The following RAPGEF3 variants were observed in gnomAD, a reference collection of about 807,000 sequenced individuals.
The protein encoded by RAPGEF3 is 9330170P05Rik.
In RAPGEF3, 103 loss-of-function variants were observed where a neutral mutation model predicts 129.8. That is an observed-to-expected ratio of 0.79 (90% CI 0.68 to 0.93). The LOEUF (loss-of-function observed/expected upper bound fraction) is 0.93. Among genes scored for constraint, RAPGEF3 ranks in the 40% least tolerant of loss-of-function variants. RAPGEF3 has a pLI of 0.00. For synonymous variants in RAPGEF3, 436 were observed against 482.6 expected (o/e 0.90, Z 1.26); for missense variants, 1,117 against 1,207.4 (o/e 0.93, Z 1.11).
chr12:47,740,324 C>G lies in RAPGEF3; in HGVS notation c.2303G>C (p.Arg768Pro). 1 of 1,614,068 alleles carries G rather than the reference C, an allele frequency of 6.2e-7. No individual in the cohort carries two copies. Among genetic ancestry groups the G allele is most frequent in the Non-Finnish European group, 8.5e-7 (1 of 1,179,990 alleles). The change falls in exon 22 of 28, where the codon CGC becomes CCC. Residue 768 changes from arginine (R) to proline (P), a missense_variant. By Grantham distance (103) the Arg-to-Pro change is moderately radical (BLOSUM62 -2). This residue lies in a region of RAPGEF3 where 643 missense variants were observed against 673.4 expected (regional missense o/e 0.95). Transcript: ENST00000449771. ...MFGLSNSAIS[R>P]LAHTWERLPH... ...ACTTACCTCCCAGGTGTGGGCTAGG[C>G]GGCTGATGGCCGAGTTGCTGAGGCC... is the stretch of plus-strand genomic sequence containing the variant.
Position 47,747,563 on chromosome 12 carries a change from C to T in RAPGEF3, c.1537G>A (p.Glu513Lys), listed in dbSNP as rs1246372127. The T allele has an allele frequency of 6.2e-7, 1 of 1,614,032 alleles. No homozygotes were observed. The highest frequency in any genetic ancestry group is 1.7e-4 in the Middle Eastern group (1 of 6,060). ...LSNLLREQWPERRRCHRLENG... is the reference protein window; with the variant it reads ...LSNLLREQWPKRRRCHRLENG... ...CATCACCTGTGGCATCGCCGCCTCT[C>T]TGGCCACTGCTCCCTCAGCAGGTTG... is the stretch of plus-strand genomic sequence containing the variant. Residue 513 changes from glutamate to lysine, a missense_variant, in exon 15 of 28, where the codon GAG becomes AAG. By Grantham distance (56) the Glu-to-Lys change is moderately conservative. Transcript: ENST00000449771.
chr12:47,744,296 C>A, intron 16 of RAPGEF3: 1 of 566,812 alleles, frequency 1.8e-6, no homozygotes, highest in South Asian at 2.0e-5. Flanking sequence ...CATGCCCCTC[C>A]GTGTGTGTGT....
intron 17 of RAPGEF3, 141 bp from the exon 18 acceptor site, chr12:47,743,817 G>T: frequency 7.3e-7 from 1 of 1,376,234 alleles, no homozygotes; most frequent in Non-Finnish European, 1.0e-6. Flanking sequence ...CAAAAAAGAG[G>T]CAGGTAGGAG....
intron 23 of RAPGEF3, chr12:47,739,433 A>G: frequency 4.3e-6 from 3 of 701,232 alleles, no homozygotes; most frequent in Non-Finnish European, 7.8e-6. Flanking sequence ...GAAAATTCAC[A>G]GCAGTTAGTC....
chr12:47,741,641 A>C, intron 18 of RAPGEF3, 39 bp from the exon 19 acceptor site: 8 of 823,090 alleles, frequency 9.7e-6, no homozygotes, highest in Non-Finnish European at 1.6e-5. Flanking sequence ...GGGGGAAGGG[A>C]GGGAGGCCGG....
chr12:47,749,897 T>G lies in RAPGEF3; in HGVS notation c.817+33A>C. The G allele has an allele frequency of 6.2e-7, 1 of 1,613,738 alleles. No homozygotes were observed. The highest frequency in any genetic ancestry group is 8.5e-7 in the Non-Finnish European group (1 of 1,179,560). ...CATCCTTCTGCCCATGTCCAGGCCC[T>G]GTGCCTGGCTTCTTATGCCCTGCTG... On this transcript the variant is annotated intron_variant, in intron 8 of 27. Coordinates refer to ENST00000449771, the MANE Select transcript of RAPGEF3 (RefSeq NM_001098531.4). The surrounding 1 kb of genome is among the most constrained non-coding windows in gnomAD (Gnocchi z 4.5).
intron 7 of RAPGEF3, 47 bp from the exon 8 acceptor site, chr12:47,750,037 G>A (rs2136790557): frequency 6.2e-7 from 1 of 1,608,476 alleles, no homozygotes; most frequent in East Asian, 2.2e-5. Context: ...TTCATGTGCA[G>A]AGCAGCCAGG....
At position 47,740,854 on chromosome 12, in the gene RAPGEF3, GTGCTGAGCCGAGCCGGGC is replaced by G. The variant is rs1388088488; in HGVS notation, c.2049+43_2050-32del. The stretch of plus-strand genomic sequence containing the variant: ...TGGGGTCAGCAGGAGAGGTCAGCGA[GTGCTGAGCCGAGCCGGGC>G]GCCCCGCCGCCTGCTCTCCTCCCCC... On this transcript the variant is annotated intron_variant, in intron 20 of 27. Coordinates refer to ENST00000449771, the MANE Select transcript of RAPGEF3 (RefSeq NM_001098531.4). 4 of 1,613,530 alleles carry G rather than the reference GTGCTGAGCCGAGCCGGGC, an allele frequency of 2.5e-6. No individual in the cohort carries two copies. In the South Asian group the frequency reaches 4.4e-5, roughly 18 times the overall value.
Position 47,746,855 on chromosome 12 carries a change from G to C in RAPGEF3, c.1596+5C>G. Reference sequence around the variant, plus strand: ...AGAGGAAAGAAACTGGGGCCAGGCAGACACCTTCATCTGAGGAGATGCATT... The same window carrying C: ...AGAGGAAAGAAACTGGGGCCAGGCACACACCTTCATCTGAGGAGATGCATT... On this transcript the variant is annotated splice_donor_5th_base_variant and intron_variant, in intron 16 of 27. Coordinates refer to ENST00000449771, the MANE Select transcript of RAPGEF3 (RefSeq NM_001098531.4). 1 of 1,592,338 alleles carries C rather than the reference G, an allele frequency of 6.3e-7. No homozygotes were observed. Among genetic ancestry groups the C allele is most frequent in the African/African-American group, 1.4e-5 (1 of 73,606 alleles).
chr12:47,738,809 C>T (rs956396710), intron 24 of RAPGEF3, 55 bp from the exon 25 acceptor site: 27 of 1,489,798 alleles, frequency 1.8e-5, no homozygotes, highest in Non-Finnish European at 2.5e-5. Flanking sequence ...CTCCTGTAGC[C>T]CAGAAAAGGT....
At chr12:47,745,377 A>AGG (rs1941371614) in intron 16 of RAPGEF3, 2 of 152,248 alleles carry the variant, frequency 1.3e-5, no homozygotes, top group Non-Finnish European at 2.9e-5. Context: ...ACCTTGGCTC[A>AGG]AACCCCTTTA....
rs1388099441 is a variant in RAPGEF3, at chr12:47,749,803, C to T, written c.832G>A (p.Asp278Asn). Residue 278 changes from aspartate to asparagine, a missense_variant, in exon 9 of 28, where the codon GAC becomes AAC. Coordinates refer to ENST00000449771, the MANE Select transcript of RAPGEF3 (RefSeq NM_001098531.4). The surrounding 1 kb of genome is among the most constrained non-coding windows in gnomAD (Gnocchi z 4.5). ...KAGTVLFSQG[D>N]KGTSWYIIWK... The stretch of plus-strand genomic sequence containing the variant: ...ATAATGTACCACGAAGTGCCCTTGT[C>T]CCCCTGGCTGAACACTGACAGAAGC... 1.9e-6 allele frequency: 3 copies of T among 1,614,086 alleles called. No individual in the cohort carries two copies. The highest frequency in any genetic ancestry group is 2.5e-6 in the Non-Finnish European group (3 of 1,180,048).
Position 47,734,697 on chromosome 12 carries a change from G to A in RAPGEF3, c.*2870C>T, listed in dbSNP as rs574767399. ...CAAGTCTTAACCTATTATTATCATG[G>A]TAAATCTTGTGACTATTGGGAAGGA... On this transcript the variant is annotated 3_prime_UTR_variant, in exon 28 of 28. Coordinates refer to ENST00000449771, the MANE Select transcript of RAPGEF3 (RefSeq NM_001098531.4). 2 of 152,386 alleles carry A rather than the reference G, an allele frequency of 1.3e-5. No individual in the cohort carries two copies. The highest frequency in any genetic ancestry group is 4.1e-4 in the South Asian group (2 of 4,832). The allele number at this position is 152,386 out of a possible 1,614,324, so 9.4% of individuals were successfully genotyped here. A position where few individuals can be genotyped will look rare whatever the true frequency, so the allele number is the denominator to read the frequency against.
rs1294815028 is a variant in RAPGEF3, at chr12:47,740,734, C to T, written c.2139G>A (p.Glu713=). 1 of 1,614,082 alleles carries T rather than the reference C, an allele frequency of 6.2e-7. No homozygotes were observed. The highest frequency in any genetic ancestry group is 8.5e-7 in the Non-Finnish European group (1 of 1,179,998). The part of the protein sequence containing the change: ...NLERFMRRFN[E]LQYWVATELC... The stretch of plus-strand genomic sequence containing the variant: ...GCTCGGTGGCCACCCAGTACTGCAG[C>T]TCATTGAAGCGGCGCATGAAGCGCT... Residue 713 remains glutamate, a synonymous_variant, in exon 21 of 28, where the codon GAG becomes GAA. Coordinates refer to ENST00000449771, the MANE Select transcript of RAPGEF3 (RefSeq NM_001098531.4).
Position 47,737,160 on chromosome 12 carries a change from C to T in RAPGEF3, c.*407G>A, listed in dbSNP as rs1940829514. The T allele has an allele frequency of 4.2e-6, 1 of 237,084 alleles. No homozygotes were observed. The highest frequency in any genetic ancestry group is 2.3e-5 in the African/African-American group (1 of 43,034). The allele number at this position is 237,084 out of a possible 1,614,324, so 14.7% of individuals were successfully genotyped here. A position where few individuals can be genotyped will look rare whatever the true frequency, so the allele number is the denominator to read the frequency against. ...CCCTGCCCTTGCCACACACGGTACA[C>T]ACATGCAGCCTCTCTCTCTCTCTCT... On this transcript the variant is annotated 3_prime_UTR_variant, in exon 28 of 28. Transcript: ENST00000449771.
chr12:47,757,134 G>T (rs1214550733), intron 2 of RAPGEF3, among the ~76,000 whole-genome samples: 1 of 152,154 alleles, frequency 6.6e-6, no homozygotes, highest in Non-Finnish European at 1.5e-5. Context: ...GTGGACACAC[G>T]CAGTGGAGAC....
chr12:47,758,802 C>T lies in RAPGEF3; in HGVS notation c.-246G>A. Reference sequence around the variant, plus strand: ...TGGGGGGACGCCACCCAGCCACCGGCGACAGGGAGCCCCGAGCCTGCGCCT... The same window carrying T: ...TGGGGGGACGCCACCCAGCCACCGGTGACAGGGAGCCCCGAGCCTGCGCCT... On this transcript the variant is annotated 5_prime_UTR_variant, in exon 1 of 28. Coordinates refer to ENST00000449771, the MANE Select transcript of RAPGEF3 (RefSeq NM_001098531.4). 3.3e-6 allele frequency: 4 copies of T among 1,229,974 alleles called. No individual in the cohort carries two copies. The highest frequency in any genetic ancestry group is 4.1e-6 in the Non-Finnish European group (4 of 983,822). The allele number at this position is 1,229,974 out of a possible 1,614,324, so 76.2% of individuals were successfully genotyped here.
rs1165358297 is a variant in RAPGEF3, at chr12:47,749,290, C to T, written c.1041+100G>A. 7 of 1,435,006 alleles carry T rather than the reference C, an allele frequency of 4.9e-6. No individual in the cohort carries two copies. The South Asian group carries it at 8.2e-5, about 17-fold the overall frequency. 88.9% of individuals were successfully genotyped at this position (1,435,006 alleles called of 1,614,324 possible). Reference sequence around the variant, plus strand: ...GTCATAGCCCAGCATCTCTTACCTGCCCTGCTTCTTACAGGCCCTCTGCTC... The same window carrying T: ...GTCATAGCCCAGCATCTCTTACCTGTCCTGCTTCTTACAGGCCCTCTGCTC... On this transcript the variant is annotated intron_variant, in intron 10 of 27. Transcript: ENST00000449771. This position sits in a 1 kb window ranked among gnomAD's most constrained non-coding sequence, Gnocchi z 4.5.
chr12:47,751,345 T>C, intron 5 of RAPGEF3, 54 bp downstream of exon 5: 1 of 1,608,936 alleles, frequency 6.2e-7, no homozygotes, highest in Non-Finnish European at 8.5e-7. Flanking sequence ...CCCTGTCCTG[T>C]CCCCCTCACT....
Sources: gnomAD v4.1 joint callset for allele counts (sites outside exome capture counted in the v4.1 genomes callset) on GRCh38, gnomAD v4.1.1 for gene constraint, gnomAD v4.1.1 regional missense constraint, Gnocchi (gnomAD v3.1) non-coding constraint, MANE v1.5 for transcripts, NCBI Gene and HGNC (gene_info 2026-07-23, HGNC 2026-07-21) for gene names.